Variants in DEFB116 observed in about 807,000 individuals in gnomAD.
The protein encoded by DEFB116 is defensin beta 116.
A neutral mutation model predicts 2.8 loss-of-function variants in DEFB116; 5 were observed. The ratio of observed to expected loss-of-function variants is 1.80; its 90% CI spans 0.94 to 3.79. The LOEUF (loss-of-function observed/expected upper bound fraction) is 3.79. Among genes scored for constraint, DEFB116 ranks in the 30% most tolerant of loss-of-function variants. The probability of loss-of-function intolerance (pLI) is 0.00; values close to 1 mark genes in which losing one functional copy is unlikely to be tolerated. For missense variants in DEFB116, 170 were observed against 118.0 expected (o/e 1.44, Z -2.04); for synonymous variants, 56 against 40.8 (o/e 1.37, Z -1.42).
chr20:31,306,708 A>G (rs1984997635), intron 1 of DEFB116, among the ~76,000 whole-genome samples: 2 of 152,124 alleles, frequency 1.3e-5, no homozygotes, highest in Admixed American at 1.3e-4. Context: ...CAGAGAAGAA[A>G]GAGGAAGAGG....
At position 31,303,429 on chromosome 20, in the gene DEFB116, C is replaced by T. The variant is rs1424411813; in HGVS notation, c.92G>A (p.Gly31Asp). 1.9e-6 allele frequency: 3 copies of T among 1,613,322 alleles called. No homozygotes were observed. The highest frequency in any genetic ancestry group is 3.3e-5 in the Admixed American group (2 of 59,924). The change falls in exon 2 of 2, where the codon GGC (glycine) becomes GAC (aspartate). Residue 31 changes from glycine to aspartate, a missense_variant. Gly to Asp is a moderately conservative substitution (Grantham distance 94, BLOSUM62 -1). Transcript: ENST00000400549. ...TGGATTCCAAGGCTCTCGGCTCTTG[C>T]CATTGTGGGATCTGAACAGGCCACC... ...TPGGLFRSHN[G>D]KSREPWNPCE...
intron 1 of DEFB116, among the ~76,000 whole-genome samples, chr20:31,306,528 C>A (rs559437648): frequency 6.6e-6 from 1 of 152,182 alleles, no homozygotes; most frequent in Admixed American, 6.6e-5. Context: ...GTGTTTCTTG[C>A]AAACCCACTT....
chr20:31,305,169 T>C (rs79828718), intron 1 of DEFB116, among the ~76,000 whole-genome samples: 1 of 152,112 alleles, frequency 6.6e-6, no homozygotes, highest in East Asian at 1.9e-4. Context: ...TTTCCCACCT[T>C]AATCTTCACC....
intron 1 of DEFB116, among the ~76,000 whole-genome samples, chr20:31,307,353 T>G (rs1224020955): frequency 6.6e-6 from 1 of 152,172 alleles, no homozygotes; most frequent in South Asian, 2.1e-4. Context: ...TTGGGAAAAC[T>G]AGGTATCTAG....
chr20:31,304,298 T>A (rs191391174), intron 1 of DEFB116, among the ~76,000 whole-genome samples: 7 of 152,226 alleles, frequency 4.6e-5, no homozygotes, highest in Admixed American at 1.3e-4. Context: ...ATATTAGTCA[T>A]CAATGGTATT....
chr20:31,305,648 T>G (rs1293388888), intron 1 of DEFB116, among the ~76,000 whole-genome samples: 1 of 151,934 alleles, frequency 6.6e-6, no homozygotes, highest in Admixed American at 6.6e-5. Context: ...AGGACCAGCT[T>G]TTGCATTTCA....
At position 31,303,317 on chromosome 20, in the gene DEFB116, G is replaced by A; in HGVS notation, c.204C>T (p.Cys68=). The A allele has an allele frequency of 6.2e-7, 1 of 1,613,550 alleles. No homozygotes were observed. Among genetic ancestry groups the A allele is most frequent in the African/African-American group, 1.3e-5 (1 of 74,988 alleles). Residue 68 remains cysteine (C), a synonymous_variant, in exon 2 of 2, where the codon TGC becomes TGT. Transcript: ENST00000400549. ...TGGTTATTTTCACAGAAAGTTTCAG[G>A]CAGCACTTTTGATCATTTGGGCAGG... ...YLTCPNDQKC[C]LKLSVKITSS...
In DEFB116 at chr20:31,303,304, C is replaced by T. The variant is rs777578413; in HGVS notation, c.217G>A (p.Val73Met). Residue 73 changes from valine to methionine, a missense_variant, in exon 2 of 2, where the codon GTG becomes ATG. Coordinates refer to ENST00000400549, the MANE Select transcript of DEFB116 (RefSeq NM_001037731.1). Reference protein sequence around the residue: ...NDQKCCLKLSVKITSSKNVKE... With the variant: ...NDQKCCLKLSMKITSSKNVKE... Reference sequence around the variant, plus strand: ...ACATTTTTAGAACTGGTTATTTTCACAGAAAGTTTCAGGCAGCACTTTTGA... The same window carrying T: ...ACATTTTTAGAACTGGTTATTTTCATAGAAAGTTTCAGGCAGCACTTTTGA... The T allele has an allele frequency of 6.2e-7, 1 of 1,613,544 alleles. No individual in the cohort carries two copies. The highest frequency in any genetic ancestry group is 8.5e-7 in the Non-Finnish European group (1 of 1,179,576).
chr20:31,303,573 C>A, intron 1 of DEFB116, 120 bp from the exon 2 acceptor site: 1 of 1,391,426 alleles, frequency 7.2e-7, no homozygotes, highest in Non-Finnish European at 9.7e-7. Flanking sequence ...TCAAAACTAC[C>A]TAGATTCAAA....
chr20:31,303,445 A>G lies in DEFB116; in HGVS notation c.76T>C (p.Phe26Leu), dbSNP rs750195620. The part of the protein sequence containing the change: ...ILAQKTPGGL[F>L]RSHNGKSREP... ...CGGCTCTTGCCATTGTGGGATCTGA[A>G]CAGGCCACCTGGGAAAGACATGGCC... is the stretch of plus-strand genomic sequence containing the variant. Residue 26 changes from phenylalanine to leucine, a missense_variant, in exon 2 of 2, where the codon TTC (phenylalanine) becomes CTC (leucine). Coordinates refer to ENST00000400549, the MANE Select transcript of DEFB116 (RefSeq NM_001037731.1). 1.9e-6 allele frequency: 3 copies of G among 1,613,260 alleles called. No individual in the cohort carries two copies. Among genetic ancestry groups the G allele is most frequent in the East Asian group, 4.5e-5 (2 of 44,864 alleles).
intron 1 of DEFB116, among the ~76,000 whole-genome samples, chr20:31,304,202 C>G (rs541494289): frequency 6.6e-6 from 1 of 152,098 alleles, no homozygotes; most frequent in South Asian, 2.1e-4. Context: ...TATAAGTCAT[C>G]CAGGTGTGTA....
chr20:31,306,101 C>T (rs551552619), intron 1 of DEFB116, among the ~76,000 whole-genome samples: 1 of 152,204 alleles, frequency 6.6e-6, no homozygotes, highest in South Asian at 2.1e-4. Context: ...CCATCCCAAG[C>T]CAAAATCAAT....
intron 1 of DEFB116, among the ~76,000 whole-genome samples, chr20:31,306,675 G>C (rs1984996838): frequency 6.6e-6 from 1 of 152,078 alleles, no homozygotes; most frequent in Admixed American, 6.6e-5. Flanking sequence ...TGAGAAAAGA[G>C]AGGAGGAAAA....
rs142725346 is a variant in DEFB116, at chr20:31,304,991, C to T, written c.68-1538G>A. Among the ~76,000 whole-genome samples the T allele has an allele frequency of 2.4e-3, 370 of 152,172 alleles. 2 individuals are homozygous for T. Among genetic ancestry groups the T allele is most frequent in the South Asian group, 9.3e-3 (45 of 4,820 alleles). On this transcript the variant is annotated intron_variant, in intron 1 of 1. Coordinates refer to ENST00000400549, the MANE Select transcript of DEFB116 (RefSeq NM_001037731.1). ...AATAAAGAAGAGGGAAATGCCTCCA[C>T]GGCAGATGTCCCATAACATTTGGGT...
chr20:31,305,000 T>A (rs964119950), intron 1 of DEFB116, among the ~76,000 whole-genome samples: 1 of 152,038 alleles, frequency 6.6e-6, no homozygotes, highest in Admixed American at 6.6e-5. Flanking sequence ...ACGGCAGATG[T>A]CCCATAACAT....
At chr20:31,304,734 C>G (rs146325500) in intron 1 of DEFB116, among the ~76,000 whole-genome samples, 1 of 152,036 alleles carries the variant, frequency 6.6e-6, no homozygotes, top group Non-Finnish European at 1.5e-5. Context: ...ACCATCCCCC[C>G]ACTCCCTCAT....
chr20:31,303,592 C>A, intron 1 of DEFB116, 139 bp from the exon 2 acceptor site: 1 of 1,240,798 alleles, frequency 8.1e-7, no homozygotes. Flanking sequence ...AATCTGGGCT[C>A]TGCCATTTAC....
rs149812924 is a variant in DEFB116, at chr20:31,303,267, T to G, written c.254A>C (p.Tyr85Ser). Residue 85 changes from tyrosine to serine, a missense_variant, in exon 2 of 2, where the codon TAC (tyrosine) becomes TCC (serine). Tyr to Ser is a moderately radical substitution (Grantham distance 144). Transcript: ENST00000400549. ...ITSSKNVKED[Y>S]DSNSNLSVTN... Reference sequence around the variant, plus strand: ...AACTGACAAGTTGGAGTTAGAGTCGTAATCCTCCTTCACATTTTTAGAACT... The same window carrying G: ...AACTGACAAGTTGGAGTTAGAGTCGGAATCCTCCTTCACATTTTTAGAACT... The G allele has an allele frequency of 6.2e-7, 1 of 1,613,608 alleles. No individual in the cohort carries two copies. The highest frequency in any genetic ancestry group is 8.5e-7 in the Non-Finnish European group (1 of 1,179,582).
intron 1 of DEFB116, among the ~76,000 whole-genome samples, 190 bp downstream of exon 1, chr20:31,308,329 T>C (rs1985042221): frequency 6.6e-6 from 1 of 152,116 alleles, no homozygotes; most frequent in Non-Finnish European, 1.5e-5. Flanking sequence ...CTTCAATTTG[T>C]CTTGGCAGAG....
Sources: gnomAD v4.1 joint callset for allele counts (sites outside exome capture counted in the v4.1 genomes callset) on GRCh38, gnomAD v4.1.1 for gene constraint, MANE v1.5 for transcripts, NCBI Gene and HGNC (gene_info 2026-07-23, HGNC 2026-07-21) for gene names.